Variants in GBF1 observed in about 807,000 individuals in gnomAD.
GBF1 encodes the protein golgi brefeldin A resistant guanine nucleotide exchange factor 1.
A neutral mutation model predicts 210.5 loss-of-function variants in GBF1; 114 were observed. The ratio of observed to expected loss-of-function variants is 0.54; its 90% CI spans 0.47 to 0.63. GBF1 has a LOEUF of 0.63. Ranked by LOEUF, GBF1 falls within the 30% of genes least tolerant of loss-of-function variation. The pLI is 0.00. For synonymous variants in GBF1, 850 were observed against 889.2 expected (o/e 0.96, Z 0.78); for missense variants, 1,851 against 2,357.7 (o/e 0.79, Z 4.45).
chr10:102,349,512 G>C (rs1483028170), intron 4 of GBF1, among the ~76,000 whole-genome samples: 1 of 152,070 alleles, frequency 6.6e-6, no homozygotes, highest in Non-Finnish European at 1.5e-5. Flanking sequence ...ATCTGGCCTG[G>C]ATGACAGAGT....
chr10:102,367,017 G>C, intron 19 of GBF1, 68 bp from the exon 20 acceptor site: 1 of 1,574,174 alleles, frequency 6.4e-7, no homozygotes, highest in Admixed American at 1.7e-5. Context: ...ACTGACCAGT[G>C]GGTTGGTAGT....
rs539463053 is a variant in GBF1, at chr10:102,363,182, G to C, written c.1877-74G>C. The C allele has an allele frequency of 7.1e-7, 1 of 1,399,192 alleles. No homozygotes were observed. Among genetic ancestry groups the C allele is most frequent in the East Asian group, 2.3e-5 (1 of 42,718 alleles). The allele number at this position is 1,399,192 out of a possible 1,614,324, so 86.7% of individuals were successfully genotyped here. Reference sequence around the variant, plus strand: ...AACCATGCAGGTCTTCTGGGCTTGGGATTTGATCTATCCTGCAGCTCTGCT... The same window carrying C: ...AACCATGCAGGTCTTCTGGGCTTGGCATTTGATCTATCCTGCAGCTCTGCT... On this transcript the variant is annotated intron_variant, in intron 15 of 39. Transcript: ENST00000369983. The surrounding 1 kb of genome is among the most constrained non-coding windows in gnomAD (Gnocchi z 4.2).
intron 14 of GBF1, among the ~76,000 whole-genome samples, 176 bp from the exon 15 acceptor site, chr10:102,362,299 A>G (rs1356964125): frequency 6.6e-6 from 1 of 150,908 alleles, no homozygotes; most frequent in Non-Finnish European, 1.5e-5. Flanking sequence ...CTTGTGATCC[A>G]CCCGCCTCGG....
chr10:102,381,299 A>C (rs183656226), intron 39 of GBF1, 44 bp downstream of exon 39: 1 of 1,604,096 alleles, frequency 6.2e-7, no homozygotes, highest in East Asian at 2.2e-5. Flanking sequence ...AGTAGCAAGC[A>C]GGGGGCCTAA....
upstream of GBF1, among the ~76,000 whole-genome samples, chr10:102,245,035 G>A (rs2070690362): frequency 6.6e-6 from 1 of 152,118 alleles, no homozygotes; most frequent in African/African-American, 2.4e-5. Flanking sequence ...TAGATCGCTG[G>A]ACTTGTTTTT....
chr10:102,258,498 G>A (rs2072737478), intron 1 of GBF1, among the ~76,000 whole-genome samples: 1 of 149,330 alleles, frequency 6.7e-6, no homozygotes, highest in Non-Finnish European at 1.5e-5. Flanking sequence ...CTGGCCAGGT[G>A]CAGTGGCTCA....
rs750114996 is a variant in GBF1, at chr10:102,363,424, G to A, written c.2017+28G>A. The A allele has an allele frequency of 6.3e-5, 101 of 1,598,290 alleles. 1 individual carries two copies. The Admixed American group carries it at 1.7e-3, about 26-fold the overall frequency. On this transcript the variant is annotated intron_variant, in intron 16 of 39. Transcript: ENST00000369983. The surrounding 1 kb of genome is among the most constrained non-coding windows in gnomAD (Gnocchi z 4.2). ...GGGTACTGGGTGTCCATGACCCTAA[G>A]CTCCTCACCTGGAGGGCCTGGTGAA...
rs781258537 is a variant in GBF1 at position 102,358,023 on chromosome 10, G to A, written c.640-16G>A. 1.3e-6 allele frequency: 2 copies of A among 1,547,120 alleles called. No homozygotes were observed. Among genetic ancestry groups the A allele is most frequent in the Admixed American group, 1.7e-5 (1 of 59,894 alleles). The stretch of plus-strand genomic sequence containing the variant: ...TTAGTTTGAATACCATTGCTAATGG[G>A]GTATGATATTTCCAGCTGAAAATGA... On this transcript the variant is annotated splice_polypyrimidine_tract_variant and intron_variant, in intron 8 of 39. Transcript: ENST00000369983.
intron 3 of GBF1, among the ~76,000 whole-genome samples, chr10:102,263,111 C>T (rs570730892): frequency 6.6e-6 from 1 of 152,226 alleles, no homozygotes; most frequent in South Asian, 2.1e-4. Flanking sequence ...TGCTTCTGAC[C>T]CCACACACAG....
At chr10:102,348,134 G>A (rs926295653) in intron 4 of GBF1, among the ~76,000 whole-genome samples, 3 of 151,884 alleles carry the variant, frequency 2.0e-5, no homozygotes, top group African/African-American at 4.8e-5. Flanking sequence ...ATGGGGTCTC[G>A]CTGTATTGGC....
intron 3 of GBF1, among the ~76,000 whole-genome samples, chr10:102,336,796 C>G (rs1188566275): frequency 6.6e-6 from 1 of 152,016 alleles, no homozygotes; most frequent in East Asian, 1.9e-4. Context: ...TTTTCAGGCC[C>G]TATTTTAGCT....
At chr10:102,250,459 C>T (rs2071370812) in intron 1 of GBF1, among the ~76,000 whole-genome samples, 1 of 152,002 alleles carries the variant, frequency 6.6e-6, no homozygotes, top group African/African-American at 2.4e-5. Flanking sequence ...TTTGGCTCAA[C>T]TGATCCTCCT....
chr10:102,293,146 G>A (rs1197363463), intron 3 of GBF1, among the ~76,000 whole-genome samples: 2 of 152,150 alleles, frequency 1.3e-5, no homozygotes, highest in African/African-American at 4.8e-5. Context: ...TCAGTGTACA[G>A]TCAGGTGCTG....
chr10:102,252,708 A>G (rs1024734109), intron 1 of GBF1, among the ~76,000 whole-genome samples: 1 of 152,156 alleles, frequency 6.6e-6, no homozygotes, highest in East Asian at 1.9e-4. Context: ...TTAGCCAGGC[A>G]TGGTGACTCA....
chr10:102,308,217 A>AAAT, intron 3 of GBF1, among the ~76,000 whole-genome samples: 1 of 151,658 alleles, frequency 6.6e-6, no homozygotes, highest in South Asian at 2.1e-4. Context: ...AAAAAAAAAA[A>AAAT]AAGAGGAAAC....
At chr10:102,293,319 C>T (rs2076593287) in intron 3 of GBF1, among the ~76,000 whole-genome samples, 1 of 152,088 alleles carries the variant, frequency 6.6e-6, no homozygotes, top group African/African-American at 2.4e-5. Context: ...GTAAACAAAC[C>T]TGTGCTGCCA....
At chr10:102,343,997 G>C (rs2058365874) in intron 3 of GBF1, 54 bp from the exon 4 acceptor site, 1 of 1,525,972 alleles carries the variant, frequency 6.6e-7, no homozygotes, top group Non-Finnish European at 9.1e-7. Context: ...ACTTTTTCCA[G>C]GGTTTAGTTT....
rs2060549201 is a variant in GBF1 at position 102,377,145 on chromosome 10, G to A, written c.4494+5G>A. 6.2e-7 allele frequency: 1 copy of A among 1,608,610 alleles called. No individual in the cohort carries two copies. The highest frequency in any genetic ancestry group is 2.2e-5 in the East Asian group (1 of 44,788). On this transcript the variant is annotated splice_donor_5th_base_variant and intron_variant, in intron 33 of 39. Transcript: ENST00000369983. ...TCTTTACAGGTCAGTCAGGACGTAA[G>A]TATGGCACCCTTTACTTCCTCTCCT... is the stretch of plus-strand genomic sequence containing the variant.
intron 35 of GBF1, 91 bp from the exon 36 acceptor site, chr10:102,379,762 C>A: frequency 6.8e-7 from 1 of 1,465,328 alleles, no homozygotes; most frequent in Non-Finnish European, 9.6e-7. Context: ...ACCTTCCCTT[C>A]AGCTCTATGC....
Sources: allele counts gnomAD v4.1 joint callset (sites outside exome capture counted in the v4.1 genomes callset), GRCh38; gene constraint gnomAD v4.1.1; non-coding constraint Gnocchi (gnomAD v3.1); transcripts MANE v1.5; gene names NCBI Gene and HGNC (gene_info 2026-07-23, HGNC 2026-07-21).